The following LRRTM4 variants were observed in gnomAD, a reference collection of about 807,000 sequenced individuals.
The protein encoded by LRRTM4 is leucine-rich repeat transmembrane neuronal protein 4.
A neutral mutation model predicts 47.6 loss-of-function variants in LRRTM4; 25 were observed. The observed-to-expected ratio is 0.53, with a 90% confidence interval of 0.38 to 0.73. LRRTM4 has a LOEUF of 0.73. Among genes scored for constraint, LRRTM4 ranks in the 30% least tolerant of loss-of-function variants. The pLI, the probability that LRRTM4 is intolerant of heterozygous loss-of-function variation, is 0.00. For synonymous variants in LRRTM4, 311 were observed against 269.5 expected, an observed-to-expected ratio of 1.15 and a Z score of -1.51; for missense variants, 638 against 713.4, an observed-to-expected ratio of 0.89 and a Z score of 1.20.
At chr2:76,792,376 A>G (rs1338704760) in intron 3 of LRRTM4, among the ~76,000 whole-genome samples, 1 of 152,192 alleles carries the variant, frequency 6.6e-6, no homozygotes, top group Non-Finnish European at 1.5e-5. Flanking sequence ...AAGTGGTTAT[A>G]GAAGGCTAAT....
chr2:76,869,141 T>C (rs1453105068), intron 3 of LRRTM4, among the ~76,000 whole-genome samples: 1 of 152,014 alleles, frequency 6.6e-6, no homozygotes, highest in East Asian at 1.9e-4. Context: ...AAACCCCGTC[T>C]CTACTAAAAA....
intron 3 of LRRTM4, among the ~76,000 whole-genome samples, chr2:76,888,228 G>A (rs536969041): frequency 1.5e-4 from 22 of 151,266 alleles, no homozygotes; most frequent in African/African-American, 5.1e-4. Flanking sequence ...ATGAAATGTA[G>A]AAAATAGCCC....
intron 3 of LRRTM4, among the ~76,000 whole-genome samples, chr2:77,467,505 A>G (rs1370999195): frequency 6.6e-6 from 1 of 152,132 alleles, no homozygotes; most frequent in Non-Finnish European, 1.5e-5. Context: ...TAGTACACAT[A>G]CTCACTTACA....
chr2:77,445,387 A>C (rs1309661560), intron 3 of LRRTM4, among the ~76,000 whole-genome samples: 1 of 151,848 alleles, frequency 6.6e-6, no homozygotes. Flanking sequence ...TTCCCTTTCA[A>C]TCCTTGAAGC....
At chr2:77,207,541 T>C (rs1674170202) in intron 3 of LRRTM4, among the ~76,000 whole-genome samples, 3 of 151,974 alleles carry the variant, frequency 2.0e-5, no homozygotes, top group African/African-American at 7.2e-5. Flanking sequence ...TGACTTATTG[T>C]TCATTGCAGA....
chr2:76,983,051 A>G (rs1488207399), intron 3 of LRRTM4, among the ~76,000 whole-genome samples: 1 of 148,744 alleles, frequency 6.7e-6, no homozygotes, highest in Non-Finnish European at 1.5e-5. Context: ...TACTCTCACT[A>G]TAAATATTGT....
intron 3 of LRRTM4, among the ~76,000 whole-genome samples, chr2:77,224,804 T>C (rs184364253): frequency 2.6e-5 from 4 of 151,994 alleles, no homozygotes; most frequent in Non-Finnish European, 4.4e-5. Context: ...GTCAGTGTGG[T>C]GATTCCTCTC....
At chr2:77,248,502 A>G (rs1178317741) in intron 3 of LRRTM4, among the ~76,000 whole-genome samples, 1 of 152,152 alleles carries the variant, frequency 6.6e-6, no homozygotes, top group Admixed American at 6.5e-5. Context: ...TGTAATGCCA[A>G]TCAAAATCCC....
At chr2:77,312,647 C>G (rs1677489431) in intron 3 of LRRTM4, among the ~76,000 whole-genome samples, 1 of 152,108 alleles carries the variant, frequency 6.6e-6, no homozygotes. Context: ...CACACACACA[C>G]TCACACACAC....
chr2:77,061,189 G>A (rs898331935), intron 3 of LRRTM4, among the ~76,000 whole-genome samples: 2 of 151,818 alleles, frequency 1.3e-5, no homozygotes, highest in Non-Finnish European at 2.9e-5. Context: ...TGTAATGTGA[G>A]AAGCAAATTA....
Position 76,844,215 on chromosome 2 carries a change from G to A in LRRTM4, c.1552-95299C>T, listed in dbSNP as rs1671772793. Among the ~76,000 whole-genome samples the A allele has an allele frequency of 2.0e-5, 3 of 151,106 alleles. 1 individual carries two copies. The South Asian group carries it at 6.3e-4, about 32-fold the overall frequency. ...CGTGGCATGATCTCAGCTCACTGCA[G>A]CCTCCACCTCTCGGGTTCAAGCTAT... On this transcript the variant is annotated intron_variant, in intron 3 of 3. Transcript: ENST00000409884.
chr2:77,119,394 T>C (rs1249832267), intron 3 of LRRTM4, among the ~76,000 whole-genome samples: 2 of 151,884 alleles, frequency 1.3e-5, no homozygotes, highest in East Asian at 3.8e-4. Context: ...TTTCCTCACA[T>C]TGCAGTTTGG....
intron 3 of LRRTM4, among the ~76,000 whole-genome samples, chr2:77,514,691 A>C (rs936467786): frequency 6.6e-6 from 1 of 152,006 alleles, no homozygotes; most frequent in Non-Finnish European, 1.5e-5. Flanking sequence ...TAGAGACTAC[A>C]TTCATTCATT....
At chr2:77,229,679 A>G (rs1452626347) in intron 3 of LRRTM4, among the ~76,000 whole-genome samples, 1 of 152,158 alleles carries the variant, frequency 6.6e-6, no homozygotes, top group African/African-American at 2.4e-5. Context: ...CTACCTCTGC[A>G]GTCTATGGCA....
intron 3 of LRRTM4, among the ~76,000 whole-genome samples, chr2:77,512,226 T>C (rs947531674): frequency 2.6e-5 from 4 of 152,156 alleles, no homozygotes; most frequent in Admixed American, 6.6e-5. Flanking sequence ...TTTAAATACA[T>C]AGTCTTTGTA....
intron 3 of LRRTM4, among the ~76,000 whole-genome samples, chr2:76,930,045 T>C (rs1452263305): frequency 6.6e-6 from 1 of 152,080 alleles, no homozygotes; most frequent in Non-Finnish European, 1.5e-5. Flanking sequence ...TTTTATTTTT[T>C]GTATTTCTCT....
chr2:77,448,260 A>C (rs1364841639), intron 3 of LRRTM4, among the ~76,000 whole-genome samples: 1 of 152,148 alleles, frequency 6.6e-6, no homozygotes, highest in African/African-American at 2.4e-5. Context: ...CCTGTTCAGC[A>C]CTGTGGTTCA....
At chr2:76,801,051 T>G (rs1386231600) in intron 3 of LRRTM4, among the ~76,000 whole-genome samples, 5 of 149,310 alleles carry the variant, frequency 3.3e-5, no homozygotes, top group Non-Finnish European at 7.4e-5. Context: ...AGGAACACTT[T>G]TACACTGTTG....
At chr2:77,056,850 C>G (rs991228168) in intron 3 of LRRTM4, among the ~76,000 whole-genome samples, 4 of 152,084 alleles carry the variant, frequency 2.6e-5, no homozygotes, top group Non-Finnish European at 5.9e-5. Context: ...TATCTATAGG[C>G]AAGGTAAAAC....
Sources: allele counts gnomAD v4.1 joint callset (sites outside exome capture counted in the v4.1 genomes callset), GRCh38; gene constraint gnomAD v4.1.1; transcripts MANE v1.5; gene names NCBI Gene and HGNC (gene_info 2026-07-23, HGNC 2026-07-21).